CPNE8: variants seen among roughly 807,000 people sequenced by gnomAD.
CPNE8 encodes the protein copine-8.
CPNE8 carries 45 observed loss-of-function variants against 81.5 expected under a neutral mutation model. That is an observed-to-expected ratio of 0.55 (90% CI 0.44 to 0.71). CPNE8 has a LOEUF of 0.71. Ranked by LOEUF, CPNE8 falls within the 30% of genes least tolerant of loss-of-function variation. The pLI is 0.00. For missense variants in CPNE8, 594 were observed against 672.1 expected (o/e 0.88, Z 1.28); for synonymous variants, 252 against 226.3 (o/e 1.11, Z -1.02).
intron 11 of CPNE8, 40 bp downstream of exon 11, chr12:38,730,243 A>C: frequency 8.4e-7 from 1 of 1,189,604 alleles, no homozygotes; most frequent in Non-Finnish European, 1.2e-6. Context: ...AGATTTATTT[A>C]TTCTAGAAAA....
chr12:38,735,354 A>G (rs1940929378), intron 10 of CPNE8, among the ~76,000 whole-genome samples: 1 of 152,040 alleles, frequency 6.6e-6, no homozygotes, highest in African/African-American at 2.4e-5. Context: ...AAGAGGTTTA[A>G]ATCTGTATTT....
In CPNE8 at chr12:38,827,379, TA is replaced by T. The variant is rs1209433400; in HGVS notation, c.407+1999del. On this transcript the variant is annotated intron_variant, in intron 6 of 19. Transcript: ENST00000331366. Reference sequence around the variant, plus strand: ...CACTTATATGCTGCTGGTGGAAATGTAAATTAGTTCAGCCATTGTGTAAAGC... The same window carrying T: ...CACTTATATGCTGCTGGTGGAAATGTAATTAGTTCAGCCATTGTGTAAAGC... Among the ~76,000 whole-genome samples the T allele has an allele frequency of 1.3e-4, 20 of 152,332 alleles. No individual in the cohort carries two copies. In the East Asian group the frequency reaches 3.3e-3, roughly 25 times the overall value.
chr12:38,895,888 A>C (rs565258271), intron 1 of CPNE8, among the ~76,000 whole-genome samples: 3 of 152,260 alleles, frequency 2.0e-5, no homozygotes, highest in Admixed American at 6.5e-5. Context: ...ACATATATGG[A>C]TAGGAACTCA....
At chr12:38,857,327 A>G (rs1943757818) in intron 3 of CPNE8, among the ~76,000 whole-genome samples, 1 of 152,226 alleles carries the variant, frequency 6.6e-6, no homozygotes, top group Admixed American at 6.5e-5. Flanking sequence ...TATTGACTAT[A>G]AATAAAACAT....
chr12:38,684,992 T>C (rs977533019), intron 16 of CPNE8, among the ~76,000 whole-genome samples: 4 of 152,202 alleles, frequency 2.6e-5, no homozygotes, highest in African/African-American at 7.2e-5. Flanking sequence ...ATGTACCATA[T>C]ACAGGTAGAG....
At chr12:38,807,068 A>T (rs1475913523) in intron 6 of CPNE8, among the ~76,000 whole-genome samples, 1 of 152,174 alleles carries the variant, frequency 6.6e-6, no homozygotes, top group Non-Finnish European at 1.5e-5. Flanking sequence ...CTCTTCCAGG[A>T]GAACTACAAA....
intron 13 of CPNE8, among the ~76,000 whole-genome samples, chr12:38,711,471 T>C (rs1411276699): frequency 2.2e-5 from 3 of 133,958 alleles, no homozygotes; most frequent in Non-Finnish European, 4.7e-5. Context: ...TGTAGTTCTT[T>C]TTTTTTTTTT....
At chr12:38,744,984 A>G (rs778186814) in intron 10 of CPNE8, among the ~76,000 whole-genome samples, 3 of 152,158 alleles carry the variant, frequency 2.0e-5, no homozygotes, top group Non-Finnish European at 4.4e-5. Flanking sequence ...AATTCATTCT[A>G]CAGATATTTT....
intron 19 of CPNE8, among the ~76,000 whole-genome samples, chr12:38,656,800 AAGGATCCTCCGT>A (rs1938831009): frequency 6.6e-6 from 1 of 152,180 alleles, no homozygotes; most frequent in Non-Finnish European, 1.5e-5. Flanking sequence ...ACTTAGCTTA[AAGGATCCTCCGT>A]AAGAGCCACA....
chr12:38,890,689 C>T (rs1205804461), intron 1 of CPNE8, among the ~76,000 whole-genome samples: 1 of 152,042 alleles, frequency 6.6e-6, no homozygotes, highest in Admixed American at 6.5e-5. Context: ...GAAACCATCA[C>T]GTGCTGCTGC....
intron 19 of CPNE8, among the ~76,000 whole-genome samples, chr12:38,666,812 G>A (rs1370861364): frequency 6.6e-6 from 1 of 152,070 alleles, no homozygotes; most frequent in Non-Finnish European, 1.5e-5. Context: ...GACATTTTAG[G>A]ATTAAATCCT....
intron 13 of CPNE8, among the ~76,000 whole-genome samples, chr12:38,718,770 T>G (rs984910994): frequency 2.0e-5 from 3 of 152,204 alleles, no homozygotes; most frequent in African/African-American, 7.2e-5. Context: ...TACCATGTAT[T>G]TACATTGCAG....
chr12:38,866,359 G>A (rs1943913652), intron 3 of CPNE8, among the ~76,000 whole-genome samples: 1 of 152,074 alleles, frequency 6.6e-6, no homozygotes, highest in Non-Finnish European at 1.5e-5. Context: ...CTAAAAGACA[G>A]AAAACAAAAC....
intron 19 of CPNE8, among the ~76,000 whole-genome samples, chr12:38,657,524 G>C (rs1336914050): frequency 2.1e-5 from 3 of 145,560 alleles, no homozygotes; most frequent in African/African-American, 7.3e-5. Context: ...AGAGAGCAGT[G>C]GTTCTCCCAG....
rs1939276544 is a variant in CPNE8 at position 38,675,850 on chromosome 12, T to C, written c.1375-76A>G. The C allele has an allele frequency of 4.2e-6, 4 of 953,148 alleles. No individual in the cohort carries two copies. In the Admixed American group the frequency reaches 7.5e-5, roughly 18 times the overall value. The allele number at this position is 953,148 out of a possible 1,614,324, so 59.0% of individuals were successfully genotyped here. A position where few individuals can be genotyped will look rare whatever the true frequency, so the allele number is the denominator to read the frequency against. ...GAAAATAATTAAAGGCCAGGCATGATATCTCACTCTTGAAATCCCAGCACT... is the reference window on the plus strand; with the variant it reads ...GAAAATAATTAAAGGCCAGGCATGACATCTCACTCTTGAAATCCCAGCACT... On this transcript the variant is annotated intron_variant, in intron 17 of 19. Coordinates refer to ENST00000331366, the MANE Select transcript of CPNE8 (RefSeq NM_153634.3).
intron 16 of CPNE8, among the ~76,000 whole-genome samples, chr12:38,677,901 A>C (rs1441690279): frequency 1.3e-5 from 2 of 152,084 alleles, no homozygotes; most frequent in Non-Finnish European, 1.5e-5. Context: ...GATCTTCAGT[A>C]AATTACCTAA....
intron 3 of CPNE8, among the ~76,000 whole-genome samples, chr12:38,855,056 T>C (rs1209547228): frequency 2.0e-5 from 3 of 152,034 alleles, no homozygotes; most frequent in East Asian, 1.9e-4. Context: ...AGTTACAGGA[T>C]ACAAAATCAA....
At chr12:38,836,633 C>T (rs1943385444) in intron 5 of CPNE8, among the ~76,000 whole-genome samples, 1 of 152,184 alleles carries the variant, frequency 6.6e-6, no homozygotes, top group African/African-American at 2.4e-5. Context: ...ATGCCACATG[C>T]AACCTGGGCA....
In CPNE8 at chr12:38,653,696, A is replaced by C; in HGVS notation, c.*186T>G. On this transcript the variant is annotated 3_prime_UTR_variant, in exon 20 of 20. Coordinates refer to ENST00000331366, the MANE Select transcript of CPNE8 (RefSeq NM_153634.3). ...ATTTAAACAATTTTTTCTGTTGCTC[A>C]TGCAACAACCATATTTACAGTTTTG... The C allele has an allele frequency of 2.9e-6, 2 of 691,100 alleles. No homozygotes were observed. Among genetic ancestry groups the C allele is most frequent in the Non-Finnish European group, 4.1e-6 (2 of 492,372 alleles). 42.8% of individuals were successfully genotyped at this position (691,100 alleles called of 1,614,324 possible).
Sources: allele counts gnomAD v4.1 joint callset (sites outside exome capture counted in the v4.1 genomes callset), GRCh38; gene constraint gnomAD v4.1.1; transcripts MANE v1.5; gene names NCBI Gene and HGNC (gene_info 2026-07-23, HGNC 2026-07-21).